The following MRPL39 variants were observed in gnomAD, a reference collection of about 807,000 sequenced individuals.
The protein encoded by MRPL39 is large ribosomal subunit protein mL39.
Under a neutral mutation model 44.5 loss-of-function variants are expected in MRPL39, and 35 were observed. The ratio of observed to expected loss-of-function variants is 0.79; its 90% CI spans 0.60 to 1.04. The LOEUF is 1.04. Among genes scored for constraint, MRPL39 ranks in the 50% least tolerant of loss-of-function variants. The pLI, the probability that MRPL39 is intolerant of heterozygous loss-of-function variation, is 0.00. For missense variants in MRPL39, 433 were observed against 413.5 expected, an observed-to-expected ratio of 1.05 and a Z score of -0.41; for synonymous variants, 139 against 136.1, an observed-to-expected ratio of 1.02 and a Z score of -0.15.
intron 5 of MRPL39, 90 bp downstream of exon 5, chr21:25,599,709 G>T: frequency 2.0e-6 from 2 of 1,018,736 alleles, no homozygotes; most frequent in Non-Finnish European, 3.1e-6. Flanking sequence ...TTCTCAACAT[G>T]CAGTACCATT....
At chr21:25,607,592 C>G (rs551009737), upstream of MRPL39, 8 of 1,017,100 alleles carry the variant, frequency 7.9e-6, no homozygotes, top group African/African-American at 1.3e-4. Flanking sequence ...TCAGACTGCT[C>G]GCCTCCACCG....
intron 5 of MRPL39, among the ~76,000 whole-genome samples, chr21:25,599,076 A>G (rs2829823): frequency 0.63 from 95,110 of 152,018 alleles, 31,501 homozygotes; most frequent in Non-Finnish European, 0.75. Context: ...ATTCTCCCCA[A>G]TCAGAACTAC....
At chr21:25,606,351 G>C in intron 2 of MRPL39, 98 bp downstream of exon 2, 1 of 1,115,018 alleles carries the variant, frequency 9.0e-7, no homozygotes. Context: ...CATGGCCACA[G>C]ATGACCAGAA....
intron 8 of MRPL39, among the ~76,000 whole-genome samples, chr21:25,590,108 T>C (rs1387595220): frequency 6.6e-6 from 1 of 151,806 alleles, no homozygotes; most frequent in Non-Finnish European, 1.5e-5. Context: ...GGAAGGTGAG[T>C]GAAAACAAAG....
intron 1 of MRPL39, 87 bp downstream of exon 1, chr21:25,607,316 G>GGCCCCGCCGA (rs2031713719): frequency 5.5e-6 from 8 of 1,458,720 alleles, no homozygotes; most frequent in Non-Finnish European, 6.7e-6. Flanking sequence ...TGCCCCGCGG[G>GGCCCCGCCGA]ACCTCCCCGG....
chr21:25,587,931 T>C lies in MRPL39; in HGVS notation c.969+904A>G, dbSNP rs369717552. On this transcript the variant is annotated intron_variant, in intron 9 of 9. Transcript: ENST00000352957. ...AGGAGGAAGTCCTAATGAGGACAGA[T>C]TACACAGGACAGCTATCAGATAACC... 28 of 667,892 alleles carry C rather than the reference T, an allele frequency of 4.2e-5. No homozygotes were observed. In the African/African-American group the frequency reaches 5.0e-4, roughly 12 times the overall value. The allele number at this position is 667,892 out of a possible 1,614,324, so 41.4% of individuals were successfully genotyped here.
intron 5 of MRPL39, among the ~76,000 whole-genome samples, chr21:25,598,425 A>AC (rs1387382173): frequency 1.4e-5 from 2 of 142,234 alleles, no homozygotes; most frequent in South Asian, 2.2e-4. Flanking sequence ...ACATAGTGAG[A>AC]CCCCCATCTC....
At chr21:25,593,229 T>C (rs2031239118) in intron 7 of MRPL39, among the ~76,000 whole-genome samples, 3 of 152,242 alleles carry the variant, frequency 2.0e-5, no homozygotes, top group African/African-American at 4.8e-5. Flanking sequence ...CACATCATGC[T>C]ATCAAGCTGA....
chr21:25,600,552 T>C (rs1357668106), intron 4 of MRPL39, among the ~76,000 whole-genome samples: 1 of 140,402 alleles, frequency 7.1e-6, no homozygotes, highest in Middle Eastern at 3.6e-3. Context: ...TTCTTTCAAA[T>C]ATTTTAGGTA....
intron 2 of MRPL39, among the ~76,000 whole-genome samples, chr21:25,605,598 T>C (rs547561913): frequency 1.3e-4 from 20 of 152,304 alleles, no homozygotes; most frequent in African/African-American, 4.8e-4. Flanking sequence ...TCTTGAGACC[T>C]GCACGGTGAC....
upstream of MRPL39, chr21:25,607,513 G>A (rs2031730516): frequency 6.2e-7 from 1 of 1,600,422 alleles, no homozygotes. Context: ...GTCCTTCTCC[G>A]CCCTCCTCCC....
At chr21:25,586,311 C>T (rs549750463) in intron 9 of MRPL39, among the ~76,000 whole-genome samples, 2 of 152,322 alleles carry the variant, frequency 1.3e-5, no homozygotes, top group East Asian at 3.9e-4. Context: ...AATTCACTCT[C>T]TTCTTCCTAC....
At chr21:25,587,810 G>A (rs1459194035) in intron 9 of MRPL39, 4 of 1,545,710 alleles carry the variant, frequency 2.6e-6, no homozygotes, top group Non-Finnish European at 2.7e-6. Context: ...AAACTATCAT[G>A]AAGAAATAAG....
At chr21:25,596,160 G>A (rs1224543563) in intron 6 of MRPL39, among the ~76,000 whole-genome samples, 3 of 151,644 alleles carry the variant, frequency 2.0e-5, no homozygotes, top group East Asian at 1.9e-4. Context: ...CTGCAGTGGC[G>A]CCACCTAGGC....
chr21:25,607,421 C>A lies in MRPL39; in HGVS notation c.55G>T (p.Gly19Cys), dbSNP rs370711679. 1.9e-6 allele frequency: 3 copies of A among 1,613,606 alleles called. No homozygotes were observed. The highest frequency in any genetic ancestry group is 2.5e-6 in the Non-Finnish European group (3 of 1,179,968). ...AACTCACTCCATTTGATCCCGCCAC[C>A]GGGTGCGACCAGCCAGAGCCGCAGC... The part of the protein sequence containing the change: ...RALRLWLVAP[G>C]GGIKWRFIAT... Residue 19 changes from glycine (G) to cysteine (C), a missense_variant, in exon 1 of 10, where the codon GGT becomes TGT. Physicochemically the swap from Gly to Cys is radical, Grantham distance 159 (BLOSUM62 -3). Transcript: ENST00000352957.
chr21:25,606,084 G>A (rs191216299), intron 2 of MRPL39, among the ~76,000 whole-genome samples: 1 of 152,184 alleles, frequency 6.6e-6, no homozygotes, highest in East Asian at 1.9e-4. Flanking sequence ...ACAATAAGGT[G>A]CCAGATAAAG....
At chr21:25,602,919 G>A (rs1240618202) in intron 3 of MRPL39, among the ~76,000 whole-genome samples, 2 of 152,196 alleles carry the variant, frequency 1.3e-5, no homozygotes, top group Admixed American at 1.3e-4. Flanking sequence ...AGACCTGGTA[G>A]AAGGTGACTG....
chr21:25,607,781 C>T (rs184369930), upstream of MRPL39, among the ~76,000 whole-genome samples: 17 of 151,502 alleles, frequency 1.1e-4, no homozygotes, highest in East Asian at 3.3e-3. Context: ...CCACAGGCGT[C>T]GTTGCCCTCC....
intron 9 of MRPL39, among the ~76,000 whole-genome samples, chr21:25,586,092 T>G (rs2030989732): frequency 6.6e-6 from 1 of 152,246 alleles, no homozygotes. Flanking sequence ...ATCAGTTTAT[T>G]TTCTTTTGGA....
Sources: gnomAD v4.1 joint callset for allele counts (sites outside exome capture counted in the v4.1 genomes callset) on GRCh38, gnomAD v4.1.1 for gene constraint, MANE v1.5 for transcripts, NCBI Gene and HGNC (gene_info 2026-07-23, HGNC 2026-07-21) for gene names.